The following PRDX3 variants were observed in gnomAD, a reference collection of about 807,000 sequenced individuals.
The protein encoded by PRDX3 is thioredoxin-dependent peroxide reductase, mitochondrial.
Under a neutral mutation model 30.4 loss-of-function variants are expected in PRDX3, and 20 were observed. That is an observed-to-expected ratio of 0.66 (90% CI 0.46 to 0.96). The LOEUF (loss-of-function observed/expected upper bound fraction) is 0.96, where lower values mean the gene tolerates loss of function less well. Ranked by LOEUF, PRDX3 falls within the 40% of genes least tolerant of loss-of-function variation. The pLI, the probability that PRDX3 is intolerant of heterozygous loss-of-function variation, is 0.00. For synonymous variants in PRDX3, 124 were observed against 117.8 expected, an observed-to-expected ratio of 1.05 and a Z score of -0.34; for missense variants, 322 against 318.3, an observed-to-expected ratio of 1.01 and a Z score of -0.09.
At chr10:119,176,181 G>T (rs1273941762) in intron 2 of PRDX3, among the ~76,000 whole-genome samples, 1 of 152,162 alleles carries the variant, frequency 6.6e-6, no homozygotes, top group Non-Finnish European at 1.5e-5. Flanking sequence ...AAAAGGACTT[G>T]CTTCTACCCA....
intron 2 of PRDX3, among the ~76,000 whole-genome samples, chr10:119,176,563 T>G (rs990997873): frequency 6.6e-6 from 1 of 152,062 alleles, no homozygotes; most frequent in Non-Finnish European, 1.5e-5. Flanking sequence ...ACAGCTAAAT[T>G]TCGCTCAGAT....
rs35604808 is a variant in PRDX3, at chr10:119,171,735, G to A, written c.551+647C>T. Among the ~76,000 whole-genome samples, 610 of 152,246 alleles carry A rather than the reference G, an allele frequency of 4.0e-3. 3 individuals are homozygous for A. The highest frequency in any genetic ancestry group is 0.014 in the African/African-American group (561 of 41,518). On this transcript the variant is annotated intron_variant, in intron 5 of 6. Coordinates refer to ENST00000298510, the MANE Select transcript of PRDX3 (RefSeq NM_006793.5). Reference sequence around the variant, plus strand: ...ACCTCATTTTAGTTATGGGAAAACTGGGGCTCAACAAGGTTAAATCAAATC... The same window carrying A: ...ACCTCATTTTAGTTATGGGAAAACTAGGGCTCAACAAGGTTAAATCAAATC...
In PRDX3 at chr10:119,172,496, T is replaced by C; in HGVS notation, c.448-11A>G. ...GCCCAAACCACCATTCTAATCAAAATGCAAACATGACTGTTAGAATGTGTG... is the reference window on the plus strand; with the variant it reads ...GCCCAAACCACCATTCTAATCAAAACGCAAACATGACTGTTAGAATGTGTG... On this transcript the variant is annotated splice_polypyrimidine_tract_variant and intron_variant, in intron 4 of 6. Coordinates refer to ENST00000298510, the MANE Select transcript of PRDX3 (RefSeq NM_006793.5). 2 of 1,603,456 alleles carry C rather than the reference T, an allele frequency of 1.2e-6. No individual in the cohort carries two copies. The highest frequency in any genetic ancestry group is 1.7e-6 in the Non-Finnish European group (2 of 1,170,318).
rs556601734 is a variant in PRDX3, at chr10:119,172,830, A to G, written c.448-345T>C. Among the ~76,000 whole-genome samples the G allele has an allele frequency of 2.0e-5, 3 of 152,326 alleles. No individual in the cohort carries two copies. In the East Asian group the frequency reaches 5.8e-4, roughly 29 times the overall value. Reference sequence around the variant, plus strand: ...CACCAGGCTGGAATGCAGTGATGCAATCACAGCTCACAGCAGCCTCAAACT... The same window carrying G: ...CACCAGGCTGGAATGCAGTGATGCAGTCACAGCTCACAGCAGCCTCAAACT... On this transcript the variant is annotated intron_variant, in intron 4 of 6. Transcript: ENST00000298510.
rs1220045868 is a variant in PRDX3 at position 119,174,541 on chromosome 10, C to A, written c.221G>T (p.Gly74Val). The A allele has an allele frequency of 2.5e-6, 4 of 1,611,774 alleles. No homozygotes were observed. In the Admixed American group the frequency reaches 5.1e-5, roughly 20 times the overall value. ...GAACTCTCCATTGACAACGGCTGTA[C>A]CCTTAAAATAGGGTGCATGCTGGGT... Reference protein sequence around the residue: ...AVTQHAPYFKGTAVVNGEFKD... With the variant: ...AVTQHAPYFKVTAVVNGEFKD... Residue 74 changes from glycine (G) to valine (V), a missense_variant, in exon 3 of 7, where the codon GGT becomes GTT. Transcript: ENST00000298510.
chr10:119,168,054 C>G lies in PRDX3; in HGVS notation c.*426G>C, dbSNP rs1847808398. On this transcript the variant is annotated 3_prime_UTR_variant, in exon 7 of 7. Transcript: ENST00000298510. ...CATTGAAAATTATGATCTTTGTTAG[C>G]TTAAAAGAAAATTCAGTTTAATACA... 1 of 163,926 alleles carries G rather than the reference C, an allele frequency of 6.1e-6. No individual in the cohort carries two copies. The highest frequency in any genetic ancestry group is 1.3e-5 in the Non-Finnish European group (1 of 76,170). 10.2% of individuals were successfully genotyped at this position (163,926 alleles called of 1,614,324 possible). A position where few individuals can be genotyped will look rare whatever the true frequency, so the allele number is the denominator to read the frequency against.
At chr10:119,168,707 G>C (rs941023500) in intron 6 of PRDX3, among the ~76,000 whole-genome samples, 174 bp from the exon 7 acceptor site, 3 of 151,022 alleles carry the variant, frequency 2.0e-5, no homozygotes, top group African/African-American at 7.3e-5. Flanking sequence ...GCCGGGCACG[G>C]TGGCTCACGC....
At position 119,174,663 on chromosome 10, in the gene PRDX3, T is replaced by C. The variant is rs1294242286; in HGVS notation, c.170-71A>G. ...CAAGCACCTATGATTTTATTTAAAC[T>C]TCTCATAATTAATTAGTAGTATAAA... On this transcript the variant is annotated intron_variant, in intron 2 of 6. Coordinates refer to ENST00000298510, the MANE Select transcript of PRDX3 (RefSeq NM_006793.5). 5 of 1,394,320 alleles carry C rather than the reference T, an allele frequency of 3.6e-6. No homozygotes were observed. The Admixed American group carries it at 1.4e-4, about 39-fold the overall frequency. 86.4% of individuals were successfully genotyped at this position (1,394,320 alleles called of 1,614,324 possible). A position where few individuals can be genotyped will look rare whatever the true frequency, so the allele number is the denominator to read the frequency against.
At chr10:119,172,337 T>C in intron 5 of PRDX3, 45 bp downstream of exon 5, 1 of 1,481,346 alleles carries the variant, frequency 6.8e-7, no homozygotes. Context: ...AGAATGATAC[T>C]AAACATGAAA....
intron 1 of PRDX3, 74 bp from the exon 2 acceptor site, chr10:119,177,227 G>A (rs1388662974): frequency 3.3e-6 from 5 of 1,515,610 alleles, no homozygotes; most frequent in Non-Finnish European, 4.5e-6. Context: ...TCGTGCCAAC[G>A]GTGGTTTCAG....
intron 4 of PRDX3, 152 bp downstream of exon 4, chr10:119,173,585 G>C (rs1158706128): frequency 8.3e-5 from 72 of 865,744 alleles, no homozygotes; most frequent in Non-Finnish European, 4.1e-5. Context: ...CTCCAGCCTG[G>C]GCAACAAGAG....
intron 1 of PRDX3, 112 bp downstream of exon 1, chr10:119,178,643 C>T: frequency 7.4e-7 from 1 of 1,356,796 alleles, no homozygotes; most frequent in Non-Finnish European, 1.0e-6. Context: ...CGCGGAAACC[C>T]TCCAAGAAGG....
chr10:119,172,444 G>C lies in PRDX3; in HGVS notation c.489C>G (p.Asp163Glu). 6.2e-7 allele frequency: 1 copy of C among 1,614,178 alleles called. No individual in the cohort carries two copies. Among genetic ancestry groups the C allele is most frequent in the Non-Finnish European group, 8.5e-7 (1 of 1,180,004 alleles). Residue 163 changes from aspartate (D) to glutamate (E), a missense_variant, in exon 5 of 7, where the codon GAC (aspartate) becomes GAG (glutamate). Asp to Glu is a conservative substitution (Grantham distance 45). Transcript: ENST00000298510. Reference sequence around the variant, plus strand: ...AGTCTCGGGAAATCTGCTTAGTTAAGTCTGACAAGAGTGCGATGTTCATGT... The same window carrying C: ...AGTCTCGGGAAATCTGCTTAGTTAACTCTGACAAGAGTGCGATGTTCATGT... ...LGHMNIALLS[D>E]LTKQISRDYG...
chr10:119,178,316 G>T (rs34364753), intron 1 of PRDX3, among the ~76,000 whole-genome samples: 1,620 of 152,316 alleles, frequency 0.011, 25 homozygotes, highest in African/African-American at 0.035. Flanking sequence ...GGGATTGGGA[G>T]GGAAAGCCTT....
chr10:119,169,027 C>T (rs1334353957), intron 6 of PRDX3, 150 bp downstream of exon 6: 1 of 814,450 alleles, frequency 1.2e-6, no homozygotes, highest in East Asian at 2.5e-5. Flanking sequence ...CTCCCCACCC[C>T]ACCCCCTCTA....
chr10:119,173,903 A>AAGGCCGGGCGCGGTGGCTCAC, intron 3 of PRDX3, 31 bp from the exon 4 acceptor site: 1 of 1,583,490 alleles, frequency 6.3e-7, no homozygotes, highest in South Asian at 1.1e-5. Context: ...TTCTCATTAG[A>AAGGCCGGGCGCGGTGGCTCAC]GCATTTAAAA....
chr10:119,173,993 C>T (rs1589663937), intron 3 of PRDX3, 121 bp from the exon 4 acceptor site: 4 of 937,446 alleles, frequency 4.3e-6, no homozygotes. Context: ...TTACCATCCT[C>T]ACTGGACTAT....
intron 6 of PRDX3, 83 bp downstream of exon 6, chr10:119,169,094 C>A (rs1847839452): frequency 6.8e-7 from 1 of 1,461,506 alleles, no homozygotes; most frequent in Non-Finnish European, 9.4e-7. Context: ...CAAGAGTGGG[C>A]TCCCTTTTGT....
chr10:119,178,769 A>T lies in PRDX3; in HGVS notation c.22T>A (p.Leu8Met). The T allele has an allele frequency of 6.4e-7, 1 of 1,552,264 alleles. No individual in the cohort carries two copies. The highest frequency in any genetic ancestry group is 8.7e-7 in the Non-Finnish European group (1 of 1,147,924). Residue 8 changes from leucine (L) to methionine (M), a missense_variant, in exon 1 of 7, where the codon TTG becomes ATG. Leu to Met is a conservative substitution (Grantham distance 15). Coordinates refer to ENST00000298510, the MANE Select transcript of PRDX3 (RefSeq NM_006793.5). ...CAGCCACTCACCGACGCTCGGAGCA[A>T]CCGTCCTACAGCAGCCGCCATCTTC... MAAAVGR[L>M]LRASVARHVS...
Sources: allele counts gnomAD v4.1 joint callset (sites outside exome capture counted in the v4.1 genomes callset), GRCh38; gene constraint gnomAD v4.1.1; transcripts MANE v1.5; gene names NCBI Gene and HGNC (gene_info 2026-07-23, HGNC 2026-07-21).